ADGRB3: variants seen among roughly 807,000 people sequenced by gnomAD.
The protein encoded by ADGRB3 is brain-specific angiogenesis inhibitor 3.
ADGRB3 carries 37 observed loss-of-function variants against 193.4 expected under a neutral mutation model. That is an observed-to-expected ratio of 0.19 (90% confidence interval 0.15 to 0.25). The LOEUF is 0.25. Ranked by LOEUF, ADGRB3 falls within the 10% of genes least tolerant of loss-of-function variation. The pLI is 1.00. For missense variants in ADGRB3, 1,637 were observed against 1,852.9 expected (o/e 0.88, Z 2.14); for synonymous variants, 690 against 644.2 (o/e 1.07, Z -1.08).
At chr6:68,694,974 T>C (rs1231056765) in intron 3 of ADGRB3, among the ~76,000 whole-genome samples, 5 of 152,052 alleles carry the variant, frequency 3.3e-5, no homozygotes, top group African/African-American at 1.2e-4. Flanking sequence ...ATATCCCCTC[T>C]TACGAGGTAA....
intron 3 of ADGRB3, among the ~76,000 whole-genome samples, chr6:68,694,978 G>A (rs990279930): frequency 2.6e-5 from 4 of 151,994 alleles, no homozygotes; most frequent in Admixed American, 6.6e-5. Flanking sequence ...CCCCTCTTAC[G>A]AGGTAATAGG....
At chr6:68,736,270 C>T (rs547780853) in intron 3 of ADGRB3, among the ~76,000 whole-genome samples, 1 of 152,242 alleles carries the variant, frequency 6.6e-6, no homozygotes, top group South Asian at 2.1e-4. Context: ...CCACCCGGCT[C>T]AGCCTCTCCA....
At chr6:68,944,983 T>C (rs2150251726) in intron 6 of ADGRB3, among the ~76,000 whole-genome samples, 1 of 152,212 alleles carries the variant, frequency 6.6e-6, no homozygotes, top group African/African-American at 2.4e-5. Flanking sequence ...CCTCCAAACA[T>C]ATCCTGAAAC....
At chr6:69,249,268 G>A (rs930587387) in intron 20 of ADGRB3, among the ~76,000 whole-genome samples, 1 of 152,134 alleles carries the variant, frequency 6.6e-6, no homozygotes, top group Non-Finnish European at 1.5e-5. Flanking sequence ...GAGCCACGGC[G>A]CCCAGCTGAG....
At chr6:68,860,710 G>C (rs512094) in intron 3 of ADGRB3, among the ~76,000 whole-genome samples, 32,100 of 152,106 alleles carry the variant, frequency 0.21, 3,966 homozygotes, top group East Asian at 0.58. Context: ...AAACATAAGA[G>C]TGCAAGTGTC....
At chr6:69,112,218 C>A (rs1224062782) in intron 17 of ADGRB3, among the ~76,000 whole-genome samples, 1 of 152,142 alleles carries the variant, frequency 6.6e-6, no homozygotes, top group Non-Finnish European at 1.5e-5. Flanking sequence ...ACTTTGTCAT[C>A]TTCTACTTGG....
At chr6:69,167,036 C>T (rs1364408498) in intron 17 of ADGRB3, among the ~76,000 whole-genome samples, 4 of 152,018 alleles carry the variant, frequency 2.6e-5, no homozygotes, top group Admixed American at 2.6e-4. Context: ...CATCTTTGTT[C>T]TGCTGTATGT....
At chr6:69,180,596 G>A (rs545705760) in intron 17 of ADGRB3, among the ~76,000 whole-genome samples, 2 of 152,278 alleles carry the variant, frequency 1.3e-5, no homozygotes, top group African/African-American at 4.8e-5. Flanking sequence ...GCAGGCTGGG[G>A]CAGGCAACAA....
At chr6:68,982,736 C>T (rs538707519) in intron 10 of ADGRB3, among the ~76,000 whole-genome samples, 10 of 152,098 alleles carry the variant, frequency 6.6e-5, no homozygotes, top group South Asian at 2.1e-4. Context: ...AAATGTTTCA[C>T]GAGAAAAAAA....
At chr6:68,829,991 T>C (rs1186855710) in intron 3 of ADGRB3, among the ~76,000 whole-genome samples, 3 of 152,108 alleles carry the variant, frequency 2.0e-5, no homozygotes. Context: ...AAATTATCAG[T>C]GAGTAGAAAT....
chr6:68,863,133 A>G (rs970532445), intron 3 of ADGRB3, among the ~76,000 whole-genome samples: 1 of 152,150 alleles, frequency 6.6e-6, no homozygotes, highest in African/African-American at 2.4e-5. Context: ...CCACTTATCT[A>G]AATGTTCTCA....
chr6:69,374,676 C>A (rs1328725), intron 30 of ADGRB3, among the ~76,000 whole-genome samples: 3 of 151,944 alleles, frequency 2.0e-5, no homozygotes, highest in Admixed American at 2.0e-4. Context: ...TTTCTGGAAA[C>A]TATACAGAAA....
intron 4 of ADGRB3, among the ~76,000 whole-genome samples, chr6:68,931,598 A>G (rs1198320315): frequency 6.6e-6 from 1 of 152,160 alleles, no homozygotes; most frequent in African/African-American, 2.4e-5. Context: ...CAAGTACATG[A>G]CCAGTTTCCT....
intron 3 of ADGRB3, among the ~76,000 whole-genome samples, chr6:68,793,037 CT>C (rs113060961): frequency 9.9e-5 from 15 of 151,354 alleles, no homozygotes; most frequent in East Asian, 5.8e-4. Flanking sequence ...ATTTCTGGTA[CT>C]TTTTTTTTCA....
intron 10 of ADGRB3, among the ~76,000 whole-genome samples, chr6:68,986,872 T>C (rs1769091536): frequency 6.6e-6 from 1 of 152,082 alleles, no homozygotes; most frequent in Admixed American, 6.6e-5. Context: ...ATTCACACAA[T>C]AGCGGCAACT....
rs931858315 is a variant in ADGRB3, at chr6:69,132,643, G to C, written c.2480+56605G>C. Among the ~76,000 whole-genome samples, 6 of 152,226 alleles carry C rather than the reference G, an allele frequency of 3.9e-5. No homozygotes were observed. In the South Asian group the frequency reaches 1.0e-3, roughly 26 times the overall value. ...TCTTTAGTTTAATTAGATCCGATTT[G>C]TCTATTTTGGCTTTTGTTGCCATTG... On this transcript the variant is annotated intron_variant, in intron 17 of 31. Transcript: ENST00000370598.
Position 68,639,074 on chromosome 6 carries a change from A to C in ADGRB3, c.399A>C (p.Val133=). Residue 133 remains valine (V), a synonymous_variant, in exon 3 of 32, where the codon GTA becomes GTC. Transcript: ENST00000370598. ...AAAATTTTATTCAAATACGTCGAGT[A>C]TTTCCAACTAATTTCCCAGGATTAC... The part of the protein sequence containing the change: ...YDKNFIQIRR[V]FPTNFPGLQK... 6.2e-7 allele frequency: 1 copy of C among 1,614,136 alleles called. No homozygotes were observed.
chr6:68,819,833 G>T (rs893497130), intron 3 of ADGRB3, among the ~76,000 whole-genome samples: 2 of 151,902 alleles, frequency 1.3e-5, no homozygotes, highest in Admixed American at 1.3e-4. Context: ...TTTGCTGTTC[G>T]TCTGCTTTGT....
intron 20 of ADGRB3, among the ~76,000 whole-genome samples, chr6:69,268,047 G>T (rs2127277410): frequency 6.6e-6 from 1 of 152,106 alleles, no homozygotes; most frequent in East Asian, 1.9e-4. Context: ...TATTAATTTT[G>T]TGGAAAAAAG....
Sources: gnomAD v4.1 joint callset for allele counts (sites outside exome capture counted in the v4.1 genomes callset) on GRCh38, gnomAD v4.1.1 for gene constraint, MANE v1.5 for transcripts, NCBI Gene and HGNC (gene_info 2026-07-23, HGNC 2026-07-21) for gene names.